Variants in THSD4 observed in about 807,000 individuals in gnomAD.
THSD4 encodes thrombospondin type 1 domain containing 4.
Under a neutral mutation model 119.0 loss-of-function variants are expected in THSD4, and 69 were observed. The ratio of observed to expected loss-of-function variants is 0.58; its 90% CI spans 0.48 to 0.71. THSD4 has a LOEUF of 0.71. Ranked by LOEUF, THSD4 falls within the 30% of genes least tolerant of loss-of-function variation. THSD4 has a pLI of 0.00. For missense variants in THSD4, 1,393 were observed against 1,391.1 expected, an observed-to-expected ratio of 1.00 and a Z score of -0.02; for synonymous variants, 524 against 540.4, an observed-to-expected ratio of 0.97 and a Z score of 0.42.
At chr15:71,618,526 C>T (rs117840260) in intron 7 of THSD4, among the ~76,000 whole-genome samples, 2,633 of 152,002 alleles carry the variant, frequency 0.017, 35 homozygotes, top group Non-Finnish European at 0.025. Context: ...CACAGGCTGC[C>T]TCTTGGGAGG....
chr15:71,436,611 G>A (rs2047016172), intron 7 of THSD4, among the ~76,000 whole-genome samples: 1 of 152,076 alleles, frequency 6.6e-6, no homozygotes, highest in African/African-American at 2.4e-5. Context: ...TCATCTGTAG[G>A]GACCAAGGGA....
At chr15:71,323,838 C>T (rs2045306062) in intron 6 of THSD4, among the ~76,000 whole-genome samples, 1 of 152,130 alleles carries the variant, frequency 6.6e-6, no homozygotes, top group South Asian at 2.1e-4. Context: ...TAATCTGCAA[C>T]CCCACTATTC....
At chr15:71,722,457 C>G (rs1200669092) in intron 8 of THSD4, among the ~76,000 whole-genome samples, 2 of 152,146 alleles carry the variant, frequency 1.3e-5, no homozygotes, top group Non-Finnish European at 2.9e-5. Context: ...CCTGTGCTGT[C>G]TTTCAAATGG....
In THSD4 at chr15:71,165,444, C is replaced by T. The variant is rs1403735027; in HGVS notation, c.99+10512C>T. On this transcript the variant is annotated intron_variant, in intron 3 of 17. Coordinates refer to ENST00000261862, the MANE Select transcript of THSD4 (RefSeq NM_024817.3). ...TTAGTTATTTTTCCTCAGCGAGGCA[C>T]AGAGTCGCCCAGTGCCCGTCCGGCT... The T allele has an allele frequency of 7.8e-6, 11 of 1,417,918 alleles. No homozygotes were observed. In the South Asian group the frequency reaches 1.3e-4, roughly 17 times the overall value. The allele number at this position is 1,417,918 out of a possible 1,614,324, so 87.8% of individuals were successfully genotyped here. A position where few individuals can be genotyped will look rare whatever the true frequency, so the allele number is the denominator to read the frequency against.
At chr15:71,386,238 T>C (rs1381558344) in intron 6 of THSD4, among the ~76,000 whole-genome samples, 1 of 152,198 alleles carries the variant, frequency 6.6e-6, no homozygotes, top group Non-Finnish European at 1.5e-5. Flanking sequence ...AACAGGCAGC[T>C]ACTTAATGGT....
At chr15:71,616,104 C>A (rs1035406436) in intron 7 of THSD4, among the ~76,000 whole-genome samples, 2 of 152,046 alleles carry the variant, frequency 1.3e-5, no homozygotes, top group Non-Finnish European at 2.9e-5. Context: ...TCCATGTTTT[C>A]AAAATGGAAG....
chr15:71,573,873 T>C (rs2049402235), intron 7 of THSD4, among the ~76,000 whole-genome samples: 3 of 152,236 alleles, frequency 2.0e-5, no homozygotes, highest in African/African-American at 7.2e-5. Flanking sequence ...TTTAGCTGTT[T>C]CCCCAGCACC....
intron 7 of THSD4, among the ~76,000 whole-genome samples, chr15:71,529,839 A>G (rs2048582322): frequency 6.6e-6 from 1 of 152,216 alleles, no homozygotes; most frequent in African/African-American, 2.4e-5. Context: ...TTAAATGGGG[A>G]TCATAGCTAC....
intron 7 of THSD4, among the ~76,000 whole-genome samples, chr15:71,537,212 C>CT (rs886142134): frequency 6.6e-6 from 1 of 152,196 alleles, no homozygotes; most frequent in Non-Finnish European, 1.5e-5. Flanking sequence ...TTCATCTGGA[C>CT]TACAGCCATA....
intron 7 of THSD4, among the ~76,000 whole-genome samples, chr15:71,459,160 C>CTTTTTTTTT (rs372209662): frequency 5.5e-4 from 71 of 128,856 alleles, no homozygotes; most frequent in African/African-American, 1.4e-3. Flanking sequence ...TTCTTTTTTT[C>CTTTTTTTTT]TTTTTTTTTT....
chr15:71,389,810 G>GTTTGTTTT (rs2046348683), intron 6 of THSD4, among the ~76,000 whole-genome samples: 1 of 87,998 alleles, frequency 1.1e-5, no homozygotes, highest in African/African-American at 4.3e-5. Flanking sequence ...TTTCTGGGTT[G>GTTTGTTTT]TTTTTTTTTT....
intron 6 of THSD4, among the ~76,000 whole-genome samples, chr15:71,349,607 T>G (rs546653567): frequency 6.6e-6 from 1 of 152,224 alleles, no homozygotes; most frequent in African/African-American, 2.4e-5. Context: ...GGAGGTAGCA[T>G]TCCCATTGTC....
At chr15:71,643,020 T>A (rs2050895996) in intron 7 of THSD4, among the ~76,000 whole-genome samples, 1 of 152,176 alleles carries the variant, frequency 6.6e-6, no homozygotes, top group Non-Finnish European at 1.5e-5. Context: ...CTGCTCAACA[T>A]CTTACTCATC....
In THSD4 at chr15:71,745,077, G is replaced by A; in HGVS notation, c.1907-29G>A. ...GCCCAGCTTTCCAGTGTGTGGGACT[G>A]TCCTTCAGACATTCTCCTGTTGTTG... is the stretch of plus-strand genomic sequence containing the variant. On this transcript the variant is annotated intron_variant, in intron 11 of 17. Transcript: ENST00000261862. The A allele has an allele frequency of 3.1e-6, 5 of 1,604,434 alleles. 1 individual carries two copies. In the South Asian group the frequency reaches 5.5e-5, roughly 18 times the overall value.
chr15:71,345,583 T>G (rs1003138400), intron 6 of THSD4, among the ~76,000 whole-genome samples: 28 of 152,314 alleles, frequency 1.8e-4, no homozygotes, highest in African/African-American at 6.5e-4. Context: ...TGGGGTGGCT[T>G]CTCTGAGTTT....
intron 7 of THSD4, among the ~76,000 whole-genome samples, chr15:71,464,960 C>T (rs16955655): frequency 2.0e-5 from 3 of 151,802 alleles, no homozygotes; most frequent in Non-Finnish European, 2.9e-5. Flanking sequence ...TATATTCCCC[C>T]GTGAGTAAGT....
chr15:71,194,775 C>G (rs192819301), intron 3 of THSD4, among the ~76,000 whole-genome samples: 16 of 152,346 alleles, frequency 1.1e-4, no homozygotes, highest in African/African-American at 3.4e-4. Flanking sequence ...TGCACATTCA[C>G]TTCGGTGGCT....
intron 6 of THSD4, among the ~76,000 whole-genome samples, chr15:71,378,015 G>A (rs2046173464): frequency 6.6e-6 from 1 of 152,098 alleles, no homozygotes; most frequent in Non-Finnish European, 1.5e-5. Flanking sequence ...TTCAAGGCTA[G>A]CTACTGAGAT....
At chr15:71,459,984 C>T (rs1412421664) in intron 7 of THSD4, among the ~76,000 whole-genome samples, 1 of 152,180 alleles carries the variant, frequency 6.6e-6, no homozygotes, top group Non-Finnish European at 1.5e-5. Flanking sequence ...AAGTTACCAG[C>T]GGTCTCTACC....
Sources: gnomAD v4.1 joint callset for allele counts (sites outside exome capture counted in the v4.1 genomes callset) on GRCh38, gnomAD v4.1.1 for gene constraint, MANE v1.5 for transcripts, NCBI Gene and HGNC (gene_info 2026-07-23, HGNC 2026-07-21) for gene names.